TENM2: variants seen among roughly 807,000 people sequenced by gnomAD.
The protein encoded by TENM2 is teneurin-2.
In TENM2, 52 loss-of-function variants were observed where a neutral mutation model predicts 245.2. The observed-to-expected ratio is 0.21, with a 90% CI of 0.17 to 0.27. The LOEUF (loss-of-function observed/expected upper bound fraction) is 0.27. Ranked by LOEUF, TENM2 falls within the 10% of genes least tolerant of loss-of-function variation. The pLI is 1.00. For missense variants in TENM2, 3,046 were observed against 3,666.8 expected, an observed-to-expected ratio of 0.83 and a Z score of 4.37; for synonymous variants, 1,363 against 1,438.9, an observed-to-expected ratio of 0.95 and a Z score of 1.19.
At chr5:167,212,927 A>G in the TENM2 span, among the ~76,000 whole-genome samples, 1 of 152,202 alleles carries the variant, frequency 6.6e-6, no homozygotes, top group African/African-American at 2.4e-5. Flanking sequence ...AGTATGTGAC[A>G]TTTTATATGA....
At chr5:167,537,229 T>C (rs1052342580) in intron 2 of TENM2, among the ~76,000 whole-genome samples, 4 of 132,448 alleles carry the variant, frequency 3.0e-5, no homozygotes, top group African/African-American at 1.2e-4. Flanking sequence ...CTGGGCAATA[T>C]AGTGAGACCC....
chr5:168,209,218 A>G (rs886285016), intron 19 of TENM2, among the ~76,000 whole-genome samples: 2 of 152,218 alleles, frequency 1.3e-5, no homozygotes, highest in Admixed American at 1.3e-4. Flanking sequence ...ATTGGGGAAA[A>G]TCTTTATCAA....
intron 2 of TENM2, among the ~76,000 whole-genome samples, chr5:167,467,128 C>T (rs925537064): frequency 1.3e-5 from 2 of 152,130 alleles, no homozygotes; most frequent in Non-Finnish European, 2.9e-5. Context: ...TCTCCATAAT[C>T]CCCAAGTGTT....
At chr5:168,224,899 G>C (rs1192338526) in intron 23 of TENM2, among the ~76,000 whole-genome samples, 4 of 152,200 alleles carry the variant, frequency 2.6e-5, no homozygotes, top group Non-Finnish European at 5.9e-5. Flanking sequence ...CCAGCTCTCA[G>C]AGTACAGTGG....
At chr5:167,414,237 A>G (rs1235849401) in intron 2 of TENM2, among the ~76,000 whole-genome samples, 1 of 152,170 alleles carries the variant, frequency 6.6e-6, no homozygotes, top group Admixed American at 6.6e-5. Flanking sequence ...AGGCAATTAC[A>G]TGGAATTTTA....
At chr5:167,765,821 T>G (rs1403255672) in intron 2 of TENM2, among the ~76,000 whole-genome samples, 3 of 152,134 alleles carry the variant, frequency 2.0e-5, no homozygotes, top group Non-Finnish European at 2.9e-5. Context: ...CAGAACCGAG[T>G]GATGTTGTCA....
exon 25 of TENM2, chr5:168,228,088 A>G (rs377700325): frequency 8.7e-6 from 14 of 1,613,710 alleles, no homozygotes; most frequent in African/African-American, 2.7e-5. Flanking sequence ...TAAGAAAGGA[A>G]CAGATTAAAG....
intron 3 of TENM2, among the ~76,000 whole-genome samples, chr5:167,927,326 C>A (rs1490350250): frequency 2.0e-5 from 3 of 152,136 alleles, no homozygotes; most frequent in African/African-American, 7.2e-5. Context: ...AAGGAGCCTT[C>A]TTCTTGAATG....
intron 2 of TENM2, among the ~76,000 whole-genome samples, chr5:167,816,759 T>C (rs1767090156): frequency 6.6e-6 from 1 of 152,194 alleles, no homozygotes; most frequent in African/African-American, 2.4e-5. Flanking sequence ...CTGTGTTTTA[T>C]AACAAGCATT....
chr5:168,009,180 C>G (rs1439666094), intron 5 of TENM2, among the ~76,000 whole-genome samples: 1 of 152,224 alleles, frequency 6.6e-6, no homozygotes, highest in Non-Finnish European at 1.5e-5. Flanking sequence ...GACTTGAAGG[C>G]ACTTGCCTGT....
the TENM2 span, among the ~76,000 whole-genome samples, chr5:167,159,570 T>A: frequency 6.6e-6 from 1 of 152,208 alleles, no homozygotes; most frequent in Non-Finnish European, 1.5e-5. Context: ...AAGCATCATA[T>A]TCTATATGAT....
chr5:168,260,222 T>TCTG, intron 27 of TENM2, 61 bp from the exon 30 acceptor site: 1 of 1,592,918 alleles, frequency 6.3e-7, no homozygotes, highest in Non-Finnish European at 8.6e-7. Context: ...CTCTTTAAGC[T>TCTG]CTGCTGCTGC....
chr5:167,656,992 T>G (rs982158927), intron 2 of TENM2, among the ~76,000 whole-genome samples: 31 of 151,796 alleles, frequency 2.0e-4, no homozygotes, highest in Admixed American at 1.2e-3. Flanking sequence ...CTTCTAGCTA[T>G]TTGAAGCTAT....
intron 2 of TENM2, among the ~76,000 whole-genome samples, chr5:167,457,548 T>C (rs1458519719): frequency 1.3e-5 from 2 of 151,904 alleles, no homozygotes; most frequent in Admixed American, 6.6e-5. Flanking sequence ...GGTTTCTCCA[T>C]GTTGGTCAGG....
intron 2 of TENM2, among the ~76,000 whole-genome samples, chr5:167,807,623 T>TA (rs1766309919): frequency 7.0e-5 from 2 of 28,508 alleles, no homozygotes; most frequent in African/African-American, 2.1e-4. Context: ...TGCATTTTTT[T>TA]TAAAAAAAAA....
intron 3 of TENM2, among the ~76,000 whole-genome samples, chr5:167,930,088 T>G (rs1161778022): frequency 6.6e-6 from 1 of 152,210 alleles, no homozygotes; most frequent in African/African-American, 2.4e-5. Context: ...TGCTCAGATC[T>G]CTTTACTGCA....
intron 2 of TENM2, among the ~76,000 whole-genome samples, chr5:167,534,086 G>A (rs1274322770): frequency 6.6e-6 from 1 of 152,132 alleles, no homozygotes; most frequent in Non-Finnish European, 1.5e-5. Flanking sequence ...GATAAGAGCT[G>A]AATAACTAAA....
At chr5:167,002,075 TC>T in the TENM2 span, among the ~76,000 whole-genome samples, 1 of 152,182 alleles carries the variant, frequency 6.6e-6, no homozygotes, top group East Asian at 1.9e-4. Flanking sequence ...TTGGACAGAC[TC>T]TGTAGTTCAT....
In TENM2 at chr5:168,238,184, AGGGAGGGAGGGAGG is replaced by A. The variant is rs1226860338; in HGVS notation, c.5521-6234_5521-6221del. Reference sequence around the variant, plus strand: ...GAGAGAGAGAGAGAGAGAGAGAGAGAGGGAGGGAGGGAGGGAGGGAGGGAGGGAGGGAGAGAGAA... The same window carrying A: ...GAGAGAGAGAGAGAGAGAGAGAGAGAGAGGGAGGGAGGGAGGGAGAGAGAA... On this transcript the variant is annotated intron_variant, in intron 25 of 28. Transcript: ENST00000518659. 1.6e-3 allele frequency among the ~76,000 whole-genome samples: 54 copies of A among 33,904 alleles called. 5 individuals are homozygous for A. Among genetic ancestry groups the A allele is most frequent in the African/African-American group, 0.013 (49 of 3,636 alleles). The allele number at this position is 33,904 out of a possible 152,430, so 22.2% of individuals were successfully genotyped here.
Sources: allele counts gnomAD v4.1 joint callset (sites outside exome capture counted in the v4.1 genomes callset), GRCh38; gene constraint gnomAD v4.1.1; transcripts MANE v1.5; gene names NCBI Gene and HGNC (gene_info 2026-07-23, HGNC 2026-07-21).